The following TMEM132B variants were observed in gnomAD, a reference collection of about 807,000 sequenced individuals.
TMEM132B encodes the protein transmembrane protein 132B.
Under a neutral mutation model 90.8 loss-of-function variants are expected in TMEM132B, and 18 were observed. The observed-to-expected ratio is 0.20, with a 90% CI of 0.14 to 0.29. The LOEUF is 0.29. TMEM132B is among the 10% of genes least tolerant of loss of function. The pLI is 1.00. For synonymous variants in TMEM132B, 504 were observed against 523.3 expected, an observed-to-expected ratio of 0.96 and a Z score of 0.50; for missense variants, 1,096 against 1,326.8, an observed-to-expected ratio of 0.83 and a Z score of 2.70.
chr12:125,618,486 C>A (rs1396607743), intron 5 of TMEM132B, among the ~76,000 whole-genome samples: 1 of 152,158 alleles, frequency 6.6e-6, no homozygotes. Flanking sequence ...TTGACCACAT[C>A]TGTCTGAAAT....
chr12:125,316,578 A>G (rs536486761), intron 1 of TMEM132B, among the ~76,000 whole-genome samples: 1 of 21,550 alleles, frequency 4.6e-5, no homozygotes, highest in East Asian at 2.3e-3. Context: ...GCTATTTTCT[A>G]GAAGGTGGTC....
chr12:125,537,846 G>A (rs1424955319), intron 4 of TMEM132B, among the ~76,000 whole-genome samples: 1 of 152,124 alleles, frequency 6.6e-6, no homozygotes, highest in Non-Finnish European at 1.5e-5. Context: ...TGTGGGACCT[G>A]GGGCAAGTCC....
rs971279420 is a variant in TMEM132B, at chr12:125,653,999, A to G, written c.2541A>G (p.Glu847=). ...FHRGTPVGQE[E]STNKSTTPQS... is the part of the protein sequence containing the mutation. The stretch of plus-strand genomic sequence containing the variant: ...GTGGCACACCTGTTGGCCAAGAGGA[A>G]AGTACCAACAAAAGCACAACCCCCC... The change falls in exon 9 of 9, where the codon GAA becomes GAG. Residue 847 remains glutamate (E), a synonymous_variant. Transcript: ENST00000682704. 6 of 1,614,058 alleles carry G rather than the reference A, an allele frequency of 3.7e-6. No individual in the cohort carries two copies. In the Admixed American group the frequency reaches 6.7e-5, roughly 18 times the overall value.
At chr12:125,288,179 C>T (rs1302147597) in intron 1 of TMEM132B, among the ~76,000 whole-genome samples, 3 of 151,404 alleles carry the variant, frequency 2.0e-5, no homozygotes, top group Admixed American at 2.0e-4. Flanking sequence ...CGGCCTCTTT[C>T]TGTTTTAAAG....
intron 3 of TMEM132B, among the ~76,000 whole-genome samples, chr12:125,486,229 A>C (rs1490052650): frequency 3.3e-5 from 5 of 152,228 alleles, no homozygotes; most frequent in African/African-American, 1.2e-4. Flanking sequence ...ATGGGTATAA[A>C]GGCTGGCATG....
At chr12:125,232,896 C>T (rs1873857604) in intron 1 of TMEM132B, among the ~76,000 whole-genome samples, 1 of 152,284 alleles carries the variant, frequency 6.6e-6, no homozygotes, top group East Asian at 1.9e-4. Flanking sequence ...AAGCTCTAGC[C>T]TGGAGAAGTT....
chr12:125,223,790 T>C (rs1331941506), intron 1 of TMEM132B, among the ~76,000 whole-genome samples: 1 of 150,448 alleles, frequency 6.6e-6, no homozygotes, highest in Non-Finnish European at 1.5e-5. Flanking sequence ...CTTTGTATAA[T>C]ATTTTTTTTT....
chr12:125,303,063 C>G (rs1875870411), intron 1 of TMEM132B, among the ~76,000 whole-genome samples: 1 of 152,076 alleles, frequency 6.6e-6, no homozygotes, highest in Admixed American at 6.6e-5. Flanking sequence ...CACCACTGCA[C>G]TCCAGCCTGG....
At chr12:125,253,393 A>T (rs1874358285) in intron 1 of TMEM132B, among the ~76,000 whole-genome samples, 1 of 150,460 alleles carries the variant, frequency 6.6e-6, no homozygotes, top group Non-Finnish European at 1.5e-5. Context: ...TGCTGAGAAC[A>T]TTTCATACAT....
At chr12:125,409,725 T>TGAGTG (rs1297601129) in intron 2 of TMEM132B, among the ~76,000 whole-genome samples, 1 of 17,654 alleles carries the variant, frequency 5.7e-5, no homozygotes, top group Non-Finnish European at 1.0e-4. Context: ...TGGAGTGGAG[T>TGAGTG]GAGTGGAGTG....
At chr12:125,616,993 C>T (rs1436983430) in intron 5 of TMEM132B, among the ~76,000 whole-genome samples, 27 of 152,226 alleles carry the variant, frequency 1.8e-4, no homozygotes, top group Admixed American at 1.8e-3. Flanking sequence ...GCATCTTTAT[C>T]GTAGACTTCC....
chr12:125,364,993 A>G (rs1878081985), intron 2 of TMEM132B, among the ~76,000 whole-genome samples: 1 of 151,980 alleles, frequency 6.6e-6, no homozygotes, highest in African/African-American at 2.4e-5. Context: ...TTTCATTAAT[A>G]TTTAATATGT....
At chr12:125,226,779 T>C (rs1032495213) in intron 1 of TMEM132B, among the ~76,000 whole-genome samples, 1 of 152,194 alleles carries the variant, frequency 6.6e-6, no homozygotes, top group African/African-American at 2.4e-5. Context: ...ATGTATTCAT[T>C]CAGCCAGTGC....
chr12:125,415,539 C>G lies in TMEM132B; in HGVS notation c.968C>G (p.Ala323Gly). 6.2e-7 allele frequency: 1 copy of G among 1,614,032 alleles called. No homozygotes were observed. Among genetic ancestry groups the G allele is most frequent in the East Asian group, 2.2e-5 (1 of 44,882 alleles). ...GTTTTCCCACCCCACAGAATTAAGGCGGCAGCAGGTGTGAAGATAACGGCA... is the reference window on the plus strand; with the variant it reads ...GTTTTCCCACCCCACAGAATTAAGGGGGCAGCAGGTGTGAAGATAACGGCA... ...VADQFTLRIKAAAGVKITAVR... is the reference protein window; with the variant it reads ...VADQFTLRIKGAAGVKITAVR... The change falls in exon 3 of 9, where the codon GCG becomes GGG. Residue 323 changes from alanine (A) to glycine (G), a missense_variant. Physicochemically the swap from Ala to Gly is moderately conservative, Grantham distance 60. Transcript: ENST00000682704. This position sits in a 1 kb window ranked among gnomAD's most constrained non-coding sequence, Gnocchi z 5.3.
In TMEM132B at chr12:125,408,891, C is replaced by T. The variant is rs1274190161; in HGVS notation, c.960-6640C>T. ...CAGGCCACCATTTGCTTTTTTCTCT[C>T]TTTTCAGTTTAGCCATTCTGCTGAG... On this transcript the variant is annotated intron_variant, in intron 2 of 8. Transcript: ENST00000682704. The surrounding 1 kb of genome is among the most constrained non-coding windows in gnomAD (Gnocchi z 5.9). 6.6e-6 allele frequency among the ~76,000 whole-genome samples: 1 copy of T among 152,172 alleles called. No homozygotes were observed. Among genetic ancestry groups the T allele is most frequent in the Non-Finnish European group, 1.5e-5 (1 of 68,028 alleles).
chr12:125,307,196 T>C (rs1875993239), intron 1 of TMEM132B, among the ~76,000 whole-genome samples: 1 of 152,212 alleles, frequency 6.6e-6, no homozygotes, highest in Admixed American at 6.5e-5. Flanking sequence ...TTATTATTTA[T>C]TTCATTGGTG....
intron 1 of TMEM132B, among the ~76,000 whole-genome samples, chr12:125,198,875 C>T (rs77755775): frequency 0.015 from 2,357 of 152,300 alleles, 61 homozygotes; most frequent in African/African-American, 0.054. Context: ...GAGCTGCTTC[C>T]AAAGCTCCTC....
At chr12:125,620,088 G>A (rs906407580) in intron 5 of TMEM132B, among the ~76,000 whole-genome samples, 3 of 152,276 alleles carry the variant, frequency 2.0e-5, no homozygotes, top group South Asian at 2.1e-4. Context: ...TCATAGTTGC[G>A]ATGTGTCAGC....
At chr12:125,519,678 C>T (rs1013088449) in intron 4 of TMEM132B, 53 bp downstream of exon 4, 7 of 1,557,144 alleles carry the variant, frequency 4.5e-6, no homozygotes, top group Non-Finnish European at 6.2e-6. Context: ...TTTCTTTAAA[C>T]ATGATGCACT....
Sources: gnomAD v4.1 joint callset for allele counts (sites outside exome capture counted in the v4.1 genomes callset) on GRCh38, gnomAD v4.1.1 for gene constraint, Gnocchi (gnomAD v3.1) non-coding constraint, MANE v1.5 for transcripts, NCBI Gene and HGNC (gene_info 2026-07-23, HGNC 2026-07-21) for gene names.